The following ATP7A variants were observed in gnomAD, a reference collection of about 807,000 sequenced individuals.
ATP7A encodes ATPase copper transporting alpha.
In ATP7A, 7 loss-of-function variants were observed where a neutral mutation model predicts 83.5. That is an observed-to-expected ratio of 0.08 (90% CI 0.05 to 0.16). The LOEUF (loss-of-function observed/expected upper bound fraction) is 0.16. Ranked by LOEUF, ATP7A falls within the 10% of genes least tolerant of loss-of-function variation. The pLI is 1.00. For synonymous variants in ATP7A, 354 were observed against 395.2 expected (o/e 0.90, Z 1.24); for missense variants, 940 against 1,120.8 (o/e 0.84, Z 2.30).
intron 2 of ATP7A, among the ~76,000 whole-genome samples, chrX:77,974,522 G>T (rs2077566515): frequency 9.1e-6 from 1 of 109,828 alleles, no homozygotes; most frequent in African/African-American, 3.3e-5. Context: ...TTACAATTTT[G>T]ATTGGGAGTG....
chrX:78,043,803 G>A (rs2078065275), intron 21 of ATP7A, among the ~76,000 whole-genome samples: 1 of 104,672 alleles, frequency 9.6e-6, no homozygotes, highest in African/African-American at 3.5e-5. Flanking sequence ...GACTATAGGT[G>A]CCCGCCACAA....
At chrX:78,022,446 G>GTATT (rs2077912608) in intron 14 of ATP7A, among the ~76,000 whole-genome samples, 1 of 110,465 alleles carries the variant, frequency 9.1e-6, no homozygotes, top group South Asian at 3.9e-4. Flanking sequence ...TTACTTTGTT[G>GTATT]TATTTATTTA....
chrX:77,968,404 A>G (rs1477721811), intron 1 of ATP7A, among the ~76,000 whole-genome samples: 1 of 112,451 alleles, frequency 8.9e-6, no homozygotes, highest in Non-Finnish European at 1.9e-5. Flanking sequence ...AACAGTTGTC[A>G]CATCACCATG....
intron 21 of ATP7A, among the ~76,000 whole-genome samples, chrX:78,043,847 G>A (rs1211615540): frequency 9.6e-6 from 1 of 104,303 alleles, no homozygotes; most frequent in African/African-American, 3.5e-5. Context: ...TAGTATAGAC[G>A]GGGTTTCTCC....
At chrX:77,967,170 G>A (rs1241023920) in intron 1 of ATP7A, among the ~76,000 whole-genome samples, 1 of 111,739 alleles carries the variant, frequency 8.9e-6, no homozygotes, top group Non-Finnish European at 1.9e-5. Context: ...CATTTGGGTT[G>A]GTTCCAAGTC....
In ATP7A at chrX:78,011,581, C is replaced by G. The variant is rs782269377; in HGVS notation, c.2079C>G (p.Ile693Met). ...AAAACATGAGTAAAGAAGAAATGAT[C>G]AACCTTCATTCTTCTATGTTCCTGG... Reference protein sequence around the residue: ...HNQNMSKEEMINLHSSMFLER... With the variant: ...HNQNMSKEEMMNLHSSMFLER... Residue 693 changes from isoleucine to methionine, a missense_variant, in exon 9 of 23, where the codon ATC becomes ATG. Transcript: ENST00000341514. The G allele has an allele frequency of 7.2e-5, 87 of 1,209,069 alleles. No homozygotes were observed. Among genetic ancestry groups the G allele is most frequent in the Non-Finnish European group, 9.3e-5 (83 of 894,700 alleles).
At chrX:77,960,245 G>T (rs2077467591) in intron 1 of ATP7A, among the ~76,000 whole-genome samples, 1 of 111,881 alleles carries the variant, frequency 8.9e-6, no homozygotes, top group Non-Finnish European at 1.9e-5. Context: ...CCTGGGGCCT[G>T]GTGGCATGTG....
chrX:77,984,640 A>G (rs932423148), intron 2 of ATP7A, among the ~76,000 whole-genome samples: 2 of 111,547 alleles, frequency 1.8e-5, no homozygotes, highest in Non-Finnish European at 3.8e-5. Context: ...TGCTGGGATT[A>G]CAGGTGTGAG....
chrX:78,023,690 G>T (rs1330248527), intron 14 of ATP7A, among the ~76,000 whole-genome samples: 2 of 111,373 alleles, frequency 1.8e-5, no homozygotes, highest in Admixed American at 9.6e-5. Flanking sequence ...ATAGAGTCTA[G>T]ATATTAGTCC....
chrX:78,021,778 C>T (rs181708533), intron 14 of ATP7A, among the ~76,000 whole-genome samples: 49 of 111,690 alleles, frequency 4.4e-4, no homozygotes, highest in Non-Finnish European at 7.9e-4. Context: ...AACATATTGA[C>T]AGATGCAGGT....
intron 14 of ATP7A, among the ~76,000 whole-genome samples, chrX:78,025,334 C>A (rs187925340): frequency 8.9e-6 from 1 of 112,065 alleles, no homozygotes; most frequent in Non-Finnish European, 1.9e-5. Flanking sequence ...TCTAGCAGTA[C>A]AAAAAGTGTT....
chrX:78,028,907 C>T (rs2077964501), intron 14 of ATP7A, among the ~76,000 whole-genome samples: 2 of 112,154 alleles, frequency 1.8e-5, no homozygotes, highest in Non-Finnish European at 3.8e-5. Flanking sequence ...TTTTACTCTA[C>T]AGAGATTGAG....
chrX:77,941,631 A>C (rs782264355), intron 1 of ATP7A, among the ~76,000 whole-genome samples: 140 of 111,987 alleles, frequency 1.3e-3, no homozygotes, highest in Middle Eastern at 9.3e-3. Flanking sequence ...ATGTGTGTAA[A>C]GAAGAAAAAA....
chrX:78,037,980 G>GGTTTTTTTTTT (rs2078023803), intron 17 of ATP7A, among the ~76,000 whole-genome samples: 2 of 51,220 alleles, frequency 3.9e-5, no homozygotes, highest in Non-Finnish European at 6.4e-5. Context: ...ATCAAGAAAG[G>GGTTTTTTTTTT]TTTTTTTTTT....
rs781882371 is a variant in ATP7A at position 77,985,645 on chromosome X, A to C, written c.121-2597A>C. Among the ~76,000 whole-genome samples, 7 of 94,762 alleles carry C rather than the reference A, an allele frequency of 7.4e-5. No individual in the cohort carries two copies. In the South Asian group the frequency reaches 3.6e-3, roughly 48 times the overall value. The allele number at this position is 94,762 out of a possible 115,157, so 82.3% of individuals were successfully genotyped here. On this transcript the variant is annotated intron_variant, in intron 2 of 22. Coordinates refer to ENST00000341514, the MANE Select transcript of ATP7A (RefSeq NM_000052.7). ...AACTGAATTTTTAATCTTATTTAAT[A>C]GTTTTTTTTGTTTTAAAAAATAATC...
intron 1 of ATP7A, among the ~76,000 whole-genome samples, chrX:77,927,237 T>G (rs1557223692): frequency 1.8e-5 from 2 of 111,832 alleles, no homozygotes; most frequent in African/African-American, 6.5e-5. Flanking sequence ...TCTGGTATCA[T>G]TTCTTTCTTT....
At chrX:77,940,658 C>A (rs1246879814) in intron 1 of ATP7A, among the ~76,000 whole-genome samples, 1 of 111,254 alleles carries the variant, frequency 9.0e-6, no homozygotes, top group African/African-American at 3.3e-5. Context: ...AAAAGACTAA[C>A]AATATGTGAC....
intron 2 of ATP7A, among the ~76,000 whole-genome samples, chrX:77,979,615 TG>T (rs1281589875): frequency 1.8e-5 from 2 of 112,426 alleles, no homozygotes; most frequent in African/African-American, 6.5e-5. Flanking sequence ...AAATCAGATT[TG>T]GGGAGAAGAG....
chrX:78,029,033 A>G (rs1196803852), intron 14 of ATP7A, among the ~76,000 whole-genome samples: 1 of 112,290 alleles, frequency 8.9e-6, no homozygotes, highest in Non-Finnish European at 1.9e-5. Context: ...TATTCAGTCC[A>G]TAGTTTGTAA....
Sources: allele counts gnomAD v4.1 joint callset (sites outside exome capture counted in the v4.1 genomes callset), GRCh38; gene constraint gnomAD v4.1.1; transcripts MANE v1.5; gene names NCBI Gene and HGNC (gene_info 2026-07-23, HGNC 2026-07-21).